Variants in GALNT13 observed in about 807,000 individuals in gnomAD.
GALNT13 encodes the protein polypeptide N-acetylgalactosaminyltransferase 13.
In GALNT13, 28 loss-of-function variants were observed where a neutral mutation model predicts 64.2. The ratio of observed to expected loss-of-function variants is 0.44; its 90% confidence interval spans 0.32 to 0.60. The LOEUF (loss-of-function observed/expected upper bound fraction) is 0.60. Ranked by LOEUF, GALNT13 falls within the 20% of genes least tolerant of loss-of-function variation. The probability of loss-of-function intolerance (pLI) is 0.05; values close to 1 mark genes in which losing one functional copy is unlikely to be tolerated. For missense variants in GALNT13, 577 were observed against 669.8 expected, an observed-to-expected ratio of 0.86 and a Z score of 1.53; for synonymous variants, 214 against 224.6, an observed-to-expected ratio of 0.95 and a Z score of 0.42.
the GALNT13 span, among the ~76,000 whole-genome samples, chr2:153,139,969 T>C: frequency 6.6e-6 from 1 of 151,990 alleles, no homozygotes; most frequent in African/African-American, 2.4e-5. Flanking sequence ...AAGAGGTTCT[T>C]AGCTATTTAT....
chr2:153,993,793 T>A (rs1337854196), intron 3 of GALNT13, among the ~76,000 whole-genome samples: 1 of 152,078 alleles, frequency 6.6e-6, no homozygotes, highest in Non-Finnish European at 1.5e-5. Context: ...TGACTTTTAT[T>A]CTTTTACTTT....
At position 154,403,926 on chromosome 2, in the gene GALNT13, A is replaced by T. The variant is rs531246026; in HGVS notation, c.1297-5058A>T. Among the ~76,000 whole-genome samples, 27 of 152,308 alleles carry T rather than the reference A, an allele frequency of 1.8e-4. No homozygotes were observed. The South Asian group carries it at 5.6e-3, about 32-fold the overall frequency. ...TTGGCAAATTAGTTAACCTCTCTGT[A>T]TCTTAATGTTTTTGTTTGTAAAACG... On this transcript the variant is annotated intron_variant, in intron 10 of 12. Coordinates refer to ENST00000392825, the MANE Select transcript of GALNT13 (RefSeq NM_052917.4).
chr2:153,313,494 G>T, the GALNT13 span, among the ~76,000 whole-genome samples: 1 of 151,804 alleles, frequency 6.6e-6, no homozygotes, highest in African/African-American at 2.4e-5. Flanking sequence ...GAAACTAAAT[G>T]ATGAGAACAA....
At chr2:153,071,199 T>G in the GALNT13 span, among the ~76,000 whole-genome samples, 1 of 152,180 alleles carries the variant, frequency 6.6e-6, no homozygotes, top group South Asian at 2.1e-4. Context: ...GAGACTACTT[T>G]AAAATTTATG....
chr2:153,095,564 G>A, the GALNT13 span, among the ~76,000 whole-genome samples: 1 of 152,174 alleles, frequency 6.6e-6, no homozygotes, highest in Non-Finnish European at 1.5e-5. Flanking sequence ...TATAAATCAT[G>A]CTGCTATAAA....
the GALNT13 span, among the ~76,000 whole-genome samples, chr2:153,172,619 A>G: frequency 6.6e-6 from 1 of 152,154 alleles, no homozygotes; most frequent in South Asian, 2.1e-4. Context: ...ATCCTTAGCC[A>G]GTTGATAGCC....
At chr2:153,275,796 C>T in the GALNT13 span, among the ~76,000 whole-genome samples, 22,693 of 151,702 alleles carry the variant, frequency 0.15, 2,110 homozygotes, top group Non-Finnish European at 0.21. Flanking sequence ...AGTATTTTTC[C>T]ATGGCAGATT....
intron 8 of GALNT13, among the ~76,000 whole-genome samples, chr2:154,268,263 C>T (rs1165042405): frequency 6.6e-6 from 1 of 152,182 alleles, no homozygotes; most frequent in Non-Finnish European, 1.5e-5. Context: ...ATGCACCCTA[C>T]AACTTTGGTG....
At chr2:153,947,490 G>T (rs1476442021) in intron 3 of GALNT13, among the ~76,000 whole-genome samples, 1 of 149,740 alleles carries the variant, frequency 6.7e-6, no homozygotes, top group Non-Finnish European at 1.5e-5. Context: ...GCCTTCTTTT[G>T]AGGAGTGTCT....
intron 9 of GALNT13, among the ~76,000 whole-genome samples, chr2:154,346,060 T>C (rs933280528): frequency 6.6e-5 from 10 of 151,968 alleles, no homozygotes; most frequent in African/African-American, 2.4e-4. Context: ...TATAGAACCT[T>C]TAGTTCTGAG....
At chr2:153,791,650 G>A in the GALNT13 span, among the ~76,000 whole-genome samples, 1 of 151,982 alleles carries the variant, frequency 6.6e-6, no homozygotes, top group Non-Finnish European at 1.5e-5. Flanking sequence ...CACTATTTAC[G>A]ATAGCAAAAT....
chr2:153,572,188 A>G, the GALNT13 span, among the ~76,000 whole-genome samples: 9 of 151,706 alleles, frequency 5.9e-5, no homozygotes, highest in Middle Eastern at 3.4e-3. Flanking sequence ...TATATTTCTA[A>G]TTATTTATCT....
At chr2:154,015,591 A>G (rs893979003) in intron 3 of GALNT13, among the ~76,000 whole-genome samples, 12 of 152,196 alleles carry the variant, frequency 7.9e-5, no homozygotes, top group Admixed American at 4.6e-4. Context: ...CTGAGTTTTT[A>G]AACTATTTTC....
At chr2:153,404,367 C>T in the GALNT13 span, among the ~76,000 whole-genome samples, 1 of 152,126 alleles carries the variant, frequency 6.6e-6, no homozygotes, top group Non-Finnish European at 1.5e-5. Flanking sequence ...CAAAATGAGC[C>T]ATCAATCAAC....
the GALNT13 span, among the ~76,000 whole-genome samples, chr2:153,797,948 T>A: frequency 6.6e-6 from 1 of 152,320 alleles, no homozygotes; most frequent in South Asian, 2.1e-4. Flanking sequence ...CCTACCATCA[T>A]CTAGCACCTG....
the GALNT13 span, among the ~76,000 whole-genome samples, chr2:153,444,400 A>C: frequency 6.6e-6 from 1 of 152,190 alleles, no homozygotes; most frequent in Non-Finnish European, 1.5e-5. Context: ...TAAAAATCTC[A>C]ATCTGTTCAA....
the GALNT13 span, among the ~76,000 whole-genome samples, chr2:153,361,740 A>G: frequency 1.3e-5 from 2 of 152,204 alleles, no homozygotes; most frequent in Non-Finnish European, 2.9e-5. Flanking sequence ...GACCAAACCT[A>G]TGATTGATTG....
the GALNT13 span, among the ~76,000 whole-genome samples, chr2:153,791,818 C>T: frequency 6.6e-6 from 1 of 152,108 alleles, no homozygotes; most frequent in Non-Finnish European, 1.5e-5. Context: ...CAAACTAATG[C>T]AGGAATAGAA....
the GALNT13 span, among the ~76,000 whole-genome samples, chr2:153,381,625 A>T: frequency 6.6e-6 from 1 of 152,024 alleles, no homozygotes; most frequent in Non-Finnish European, 1.5e-5. Flanking sequence ...ATTTGAATCA[A>T]TGGGCAAAGA....
Sources: allele counts gnomAD v4.1 joint callset (sites outside exome capture counted in the v4.1 genomes callset), GRCh38; gene constraint gnomAD v4.1.1; transcripts MANE v1.5; gene names NCBI Gene and HGNC (gene_info 2026-07-23, HGNC 2026-07-21).